Variants in CTCF observed in about 807,000 individuals in gnomAD.
CTCF encodes transcriptional repressor CTCF.
Under a neutral mutation model 72.3 loss-of-function variants are expected in CTCF, and 7 were observed. That is an observed-to-expected ratio of 0.10 (90% confidence interval 0.06 to 0.18). The LOEUF is 0.18. Among genes scored for constraint, CTCF ranks in the 10% least tolerant of loss-of-function variants. CTCF has a pLI of 1.00. For synonymous variants in CTCF, 374 were observed against 315.8 expected (o/e 1.18, Z -1.95); for missense variants, 516 against 949.1 (o/e 0.54, Z 6.00).
At chr16:67,624,837 A>C in intron 7 of CTCF, among the ~76,000 whole-genome samples, 1 of 151,120 alleles carries the variant, frequency 6.6e-6, no homozygotes. Context: ...CAAGCAATCC[A>C]CCCACCTCAG....
At chr16:67,568,246 A>T (rs2051367916) in intron 1 of CTCF, 1 of 141,790 alleles carries the variant, frequency 7.1e-6, no homozygotes, top group Non-Finnish European at 1.5e-5. Context: ...TGCCGAGCTA[A>T]TTTTTGTATT....
intron 7 of CTCF, among the ~76,000 whole-genome samples, chr16:67,621,860 A>G (rs149998043): frequency 1.3e-5 from 2 of 151,094 alleles, no homozygotes; most frequent in Non-Finnish European, 2.9e-5. Flanking sequence ...ATGGGAGGAG[A>G]CAGAGTACAC....
At chr16:67,567,373 G>A (rs1454304572) in intron 1 of CTCF, among the ~76,000 whole-genome samples, 1 of 152,060 alleles carries the variant, frequency 6.6e-6, no homozygotes, top group African/African-American at 2.4e-5. Flanking sequence ...TCCCTTTGAG[G>A]TATGCTGGTA....
chr16:67,599,445 C>G (rs940957527), intron 2 of CTCF, among the ~76,000 whole-genome samples: 13 of 152,134 alleles, frequency 8.5e-5, no homozygotes, highest in African/African-American at 3.1e-4. Flanking sequence ...ATCCATGCCC[C>G]CTAAGGATAC....
At chr16:67,631,003 A>G (rs754992428) in intron 10 of CTCF, among the ~76,000 whole-genome samples, 4 of 152,122 alleles carry the variant, frequency 2.6e-5, no homozygotes, top group African/African-American at 7.2e-5. Flanking sequence ...AACTGGAGAG[A>G]TTATAGATGA....
At chr16:67,585,036 C>CTTTGT (rs1369973669) in intron 2 of CTCF, among the ~76,000 whole-genome samples, 4 of 151,952 alleles carry the variant, frequency 2.6e-5, no homozygotes, top group African/African-American at 4.8e-5. Flanking sequence ...GTATGCATGT[C>CTTTGT]TTTGTTTTGT....
At chr16:67,569,124 C>T (rs1041395575) in intron 1 of CTCF, among the ~76,000 whole-genome samples, 1 of 152,076 alleles carries the variant, frequency 6.6e-6, no homozygotes, top group African/African-American at 2.4e-5. Flanking sequence ...CAGGCGTGAA[C>T]CACTGTGCCT....
intron 1 of CTCF, among the ~76,000 whole-genome samples, chr16:67,564,419 C>T (rs1303419905): frequency 6.6e-6 from 1 of 152,216 alleles, no homozygotes; most frequent in Non-Finnish European, 1.5e-5. Context: ...TATGTAATCT[C>T]AATGTGTAGC....
intron 10 of CTCF, among the ~76,000 whole-genome samples, chr16:67,631,572 A>G (rs2052365646): frequency 6.6e-6 from 1 of 150,820 alleles, no homozygotes; most frequent in Admixed American, 6.6e-5. Flanking sequence ...ATGTGCTGGG[A>G]TTATAGGCAT....
At chr16:67,601,206 A>C (rs2051881316) in intron 2 of CTCF, among the ~76,000 whole-genome samples, 1 of 136,574 alleles carries the variant, frequency 7.3e-6, no homozygotes, top group Non-Finnish European at 1.5e-5. Context: ...GCTTGATGGA[A>C]TGCACTAAGG....
chr16:67,607,676 A>T (rs1320265791), intron 2 of CTCF, among the ~76,000 whole-genome samples: 1 of 151,830 alleles, frequency 6.6e-6, no homozygotes, highest in African/African-American at 2.4e-5. Flanking sequence ...TATATATTCA[A>T]TTTGGTTGGC....
In CTCF at chr16:67,610,867, A is replaced by C; in HGVS notation, c.35A>C (p.Glu12Ala). 1 of 1,499,478 alleles carries C rather than the reference A, an allele frequency of 6.7e-7. No individual in the cohort carries two copies. Among genetic ancestry groups the C allele is most frequent in the Non-Finnish European group, 8.9e-7 (1 of 1,123,636 alleles). The allele number at this position is 1,499,478 out of a possible 1,614,324, so 92.9% of individuals were successfully genotyped here. A position where few individuals can be genotyped will look rare whatever the true frequency, so the allele number is the denominator to read the frequency against. Reference sequence around the variant, plus strand: ...GATGCAGTCGAAGCCATTGTGGAGGAGTCCGAAACTTTTATTAAAGGAAAG... The same window carrying C: ...GATGCAGTCGAAGCCATTGTGGAGGCGTCCGAAACTTTTATTAAAGGAAAG... The part of the protein sequence containing the change: ...EGDAVEAIVE[E>A]SETFIKGKER... The change falls in exon 3 of 12, where the codon GAG becomes GCG. Residue 12 changes from glutamate to alanine, a missense_variant. By Grantham distance (107) the Glu-to-Ala change is moderately radical. Coordinates refer to ENST00000264010, the MANE Select transcript of CTCF (RefSeq NM_006565.4).
rs370447334 is a variant in CTCF, at chr16:67,590,983, A to AG, written c.-10+19719_-10+19720insG. 3.0e-4 allele frequency among the ~76,000 whole-genome samples: 38 copies of AG among 127,836 alleles called. 2 individuals carry two copies. The highest frequency in any genetic ancestry group is 4.5e-4 in the Non-Finnish European group (27 of 60,382). The allele number at this position is 127,836 out of a possible 152,430, so 83.9% of individuals were successfully genotyped here. A position where few individuals can be genotyped will look rare whatever the true frequency, so the allele number is the denominator to read the frequency against. On this transcript the variant is annotated intron_variant, in intron 2 of 11. Transcript: ENST00000264010. ...CTCAAAAAAAAAAAAAAAAAAAAAAATGCTGGACTGGGTGGCTCACACAAA... is the reference window on the plus strand; with the variant it reads ...CTCAAAAAAAAAAAAAAAAAAAAAAAGTGCTGGACTGGGTGGCTCACACAAA...
chr16:67,624,129 A>ATG (rs1266501170), intron 7 of CTCF, among the ~76,000 whole-genome samples: 2 of 131,822 alleles, frequency 1.5e-5, no homozygotes, highest in African/African-American at 6.5e-5. Flanking sequence ...GTGTGTGTAT[A>ATG]TATATGTGTG....
At chr16:67,610,177 T>C (rs2052040433) in intron 2 of CTCF, among the ~76,000 whole-genome samples, 2 of 152,122 alleles carry the variant, frequency 1.3e-5, no homozygotes, top group Middle Eastern at 3.2e-3. Context: ...CTGAGTATAA[T>C]CTTGCAGTGT....
chr16:67,637,589 C>A, intron 11 of CTCF, 99 bp from the exon 12 acceptor site: 1 of 937,066 alleles, frequency 1.1e-6, no homozygotes, highest in Non-Finnish European at 1.7e-6. Context: ...TAAGGCTGTC[C>A]TGCATTGCTG....
At chr16:67,575,069 G>T (rs750429322) in intron 2 of CTCF, among the ~76,000 whole-genome samples, 4 of 152,068 alleles carry the variant, frequency 2.6e-5, no homozygotes, top group Non-Finnish European at 5.9e-5. Flanking sequence ...TGTCCTTGTG[G>T]ATAGAGGAAA....
At chr16:67,566,515 TAAAAA>T (rs377253111) in intron 1 of CTCF, among the ~76,000 whole-genome samples, 5 of 76,274 alleles carry the variant, frequency 6.6e-5, no homozygotes, top group East Asian at 4.3e-4. Flanking sequence ...GTCTCAAAAT[TAAAAA>T]AAAAAAAAAA....
intron 2 of CTCF, among the ~76,000 whole-genome samples, chr16:67,604,738 TTTTTTTGTTTTTTG>T (rs1189856428): frequency 4.4e-5 from 6 of 135,918 alleles, no homozygotes; most frequent in Admixed American, 1.4e-4. Context: ...GGGTTTTTTT[TTTTTTTGTTTTTTG>T]TTTTTTTTTT....
Sources: gnomAD v4.1 joint callset for allele counts (sites outside exome capture counted in the v4.1 genomes callset) on GRCh38, gnomAD v4.1.1 for gene constraint, MANE v1.5 for transcripts, NCBI Gene and HGNC (gene_info 2026-07-23, HGNC 2026-07-21) for gene names.